Variants in RCN3 observed in about 807,000 individuals in gnomAD.
The protein encoded by RCN3 is reticulocalbin 3.
A neutral mutation model predicts 35.9 loss-of-function variants in RCN3; 41 were observed. The observed-to-expected ratio is 1.14, with a 90% confidence interval of 0.89 to 1.48. The LOEUF (loss-of-function observed/expected upper bound fraction) is 1.48. RCN3 is among the 40% of genes most tolerant of loss of function. The pLI, the probability that RCN3 is intolerant of heterozygous loss-of-function variation, is 0.00. For missense variants in RCN3, 451 were observed against 471.3 expected, an observed-to-expected ratio of 0.96 and a Z score of 0.40; for synonymous variants, 187 against 193.4, an observed-to-expected ratio of 0.97 and a Z score of 0.27.
rs1052581363 is a variant in RCN3 at position 49,543,475 on chromosome 19, G to A, written c.*262G>A. 18 of 498,596 alleles carry A rather than the reference G, an allele frequency of 3.6e-5. No homozygotes were observed. The highest frequency in any genetic ancestry group is 2.6e-4 in the Admixed American group (8 of 30,940). 30.9% of individuals were successfully genotyped at this position (498,596 alleles called of 1,614,324 possible). ...TCCCAGCCCAGACCCAGGGACCCTT[G>A]GCCCCAAGCTCAGCTCTAAGAACCG... On this transcript the variant is annotated 3_prime_UTR_variant, in exon 7 of 7. Transcript: ENST00000270645.
At chr19:49,536,950 G>T (rs2080138571) in intron 3 of RCN3, 83 bp from the exon 4 acceptor site, 4 of 1,302,504 alleles carry the variant, frequency 3.1e-6, no homozygotes, top group Non-Finnish European at 4.1e-6. Context: ...TTGTACCCCA[G>T]TAGGATTTAC....
intron 3 of RCN3, among the ~76,000 whole-genome samples, chr19:49,535,257 C>T (rs997149102): frequency 6.6e-6 from 1 of 152,156 alleles, no homozygotes; most frequent in Admixed American, 6.6e-5. Flanking sequence ...ATATTGTTCC[C>T]TCCAGTTACA....
chr19:49,529,210 C>G (rs1346412338), intron 2 of RCN3, among the ~76,000 whole-genome samples: 1 of 151,912 alleles, frequency 6.6e-6, no homozygotes, highest in Non-Finnish European at 1.5e-5. Context: ...AAAAAGAGGA[C>G]CTTTGAGGGC....
chr19:49,532,985 T>C (rs564474131), intron 2 of RCN3, among the ~76,000 whole-genome samples: 1 of 152,356 alleles, frequency 6.6e-6, no homozygotes, highest in Non-Finnish European at 1.5e-5. Flanking sequence ...CTGTCCTAAG[T>C]GCTTTACATG....
intron 2 of RCN3, among the ~76,000 whole-genome samples, chr19:49,530,582 C>T (rs987244850): frequency 6.7e-6 from 1 of 150,080 alleles, no homozygotes; most frequent in Non-Finnish European, 1.5e-5. Flanking sequence ...CCACAACCTC[C>T]GCCTCCTGGG....
At chr19:49,542,877 A>T in intron 6 of RCN3, 125 bp downstream of exon 6, 1 of 963,484 alleles carries the variant, frequency 1.0e-6, no homozygotes. Context: ...AAAGAGGGAC[A>T]GAGAGAGGGA....
intron 4 of RCN3, among the ~76,000 whole-genome samples, chr19:49,538,848 C>A (rs537011678): frequency 1.0e-3 from 159 of 152,224 alleles, no homozygotes; most frequent in Non-Finnish European, 1.7e-3. Flanking sequence ...CAGGACAGCT[C>A]CCCTTGTGAG....
At position 49,528,286 on chromosome 19, in the gene RCN3, T is replaced by C. The variant is rs1485890245; in HGVS notation, c.-6-181T>C. The C allele has an allele frequency of 5.5e-6, 3 of 544,516 alleles. No individual in the cohort carries two copies. In the East Asian group the frequency reaches 9.2e-5, roughly 17 times the overall value. 33.7% of individuals were successfully genotyped at this position (544,516 alleles called of 1,614,324 possible). On this transcript the variant is annotated intron_variant, in intron 1 of 6. Coordinates refer to ENST00000270645, the MANE Select transcript of RCN3 (RefSeq NM_020650.3). Reference sequence around the variant, plus strand: ...AGATTCGGTCCTCCCCATAGGTGGCTTTACCTCTAAGCATCCCGCCCTCTT... The same window carrying C: ...AGATTCGGTCCTCCCCATAGGTGGCCTTACCTCTAAGCATCCCGCCCTCTT...
intron 5 of RCN3, among the ~76,000 whole-genome samples, chr19:49,540,025 G>T (rs1417793830): frequency 6.6e-6 from 1 of 151,904 alleles, no homozygotes; most frequent in African/African-American, 2.4e-5. Flanking sequence ...GCCCGGCCAG[G>T]AATTTTTTTT....
In RCN3 at chr19:49,537,789, G is replaced by A. The variant is rs528129146; in HGVS notation, c.618+584G>A. Among the ~76,000 whole-genome samples the A allele has an allele frequency of 1.6e-3, 239 of 150,536 alleles. 1 individual carries two copies. The highest frequency in any genetic ancestry group is 5.4e-3 in the African/African-American group (218 of 40,490). ...GCTAGGATTATAGGCATGAGCCACC[G>A]TGCCCGGCCAATTTTTAATTTTTTT... is the stretch of plus-strand genomic sequence containing the variant. On this transcript the variant is annotated intron_variant, in intron 4 of 6. Coordinates refer to ENST00000270645, the MANE Select transcript of RCN3 (RefSeq NM_020650.3).
chr19:49,537,540 T>C (rs1370214268), intron 4 of RCN3, among the ~76,000 whole-genome samples: 3 of 151,502 alleles, frequency 2.0e-5, no homozygotes, highest in Admixed American at 2.0e-4. Flanking sequence ...ATAGTCTCCC[T>C]CGGTTGCCCA....
chr19:49,534,390 C>T lies in RCN3; in HGVS notation c.440C>T (p.Ala147Val), dbSNP rs1016808483. The change falls in exon 3 of 7, where the codon GCG becomes GTG. Residue 147 changes from alanine (A) to valine (V), a missense_variant. Coordinates refer to ENST00000270645, the MANE Select transcript of RCN3 (RefSeq NM_020650.3). The stretch of plus-strand genomic sequence containing the variant: ...CGCAACGCCACCTATGGCCACTACG[C>T]GCCCGGTACGCGGCGAGCCCCCGAC... ...ELRNATYGHY[A>V]PGEEFHDVED... 11 of 1,538,060 alleles carry T rather than the reference C, an allele frequency of 7.2e-6. No homozygotes were observed. In the South Asian group the frequency reaches 8.4e-5, roughly 12 times the overall value.
At chr19:49,530,008 G>A (rs1360419595) in intron 2 of RCN3, among the ~76,000 whole-genome samples, 2 of 152,114 alleles carry the variant, frequency 1.3e-5, no homozygotes, top group African/African-American at 4.8e-5. Flanking sequence ...CTGGAGTGCA[G>A]TGACGTGATC....
chr19:49,542,247 A>G (rs571067202), intron 5 of RCN3, among the ~76,000 whole-genome samples: 21 of 152,248 alleles, frequency 1.4e-4, no homozygotes, highest in African/African-American at 5.1e-4. Flanking sequence ...TCCTGCATAG[A>G]CATTGCTTAC....
At position 49,539,178 on chromosome 19, in the gene RCN3, C is replaced by T. The variant is rs151007768; in HGVS notation, c.678C>T (p.Ile226=). ...KDGYVQVEEY[I]ADLYSAEPGE... ...GCTATGTCCAGGTGGAGGAGTACAT[C>T]GGTGAGTGGGCCCCAATTTCTTCTT... The change falls in exon 5 of 7, where the codon ATC becomes ATT. Residue 226 remains isoleucine (I), a splice_region_variant and synonymous_variant. Transcript: ENST00000270645. The T allele has an allele frequency of 2.2e-5, 35 of 1,609,712 alleles. No homozygotes were observed. The highest frequency in any genetic ancestry group is 5.1e-5 in the Admixed American group (3 of 58,992).
chr19:49,536,074 C>T (rs1200908447), intron 3 of RCN3, among the ~76,000 whole-genome samples: 1 of 149,532 alleles, frequency 6.7e-6, no homozygotes, highest in Non-Finnish European at 1.5e-5. Flanking sequence ...GCAACCTCCG[C>T]CTCCCGGGTT....
intron 5 of RCN3, among the ~76,000 whole-genome samples, chr19:49,542,051 C>T (rs1317723498): frequency 4.7e-5 from 7 of 148,038 alleles, no homozygotes; most frequent in Non-Finnish European, 7.4e-5. Context: ...CACAGCGAGA[C>T]TCCATCTCAA....
Position 49,542,584 on chromosome 19 carries a change from G to A in RCN3, c.711G>A (p.Glu237=). The A allele has an allele frequency of 1.2e-6, 2 of 1,607,402 alleles. No homozygotes were observed. Among genetic ancestry groups the A allele is most frequent in the Non-Finnish European group, 1.7e-6 (2 of 1,177,482 alleles). ...TGTACTCAGCCGAGCCTGGGGAGGA[G>A]GAGCCGGCGTGGGTGCAGACGGAGA... ...ADLYSAEPGE[E]EPAWVQTERQ... The change falls in exon 6 of 7, where the codon GAG becomes GAA. Residue 237 remains glutamate, a synonymous_variant. Coordinates refer to ENST00000270645, the MANE Select transcript of RCN3 (RefSeq NM_020650.3).
intron 5 of RCN3, among the ~76,000 whole-genome samples, chr19:49,541,156 T>C (rs1229719464): frequency 5.9e-5 from 9 of 151,716 alleles, no homozygotes; most frequent in Non-Finnish European, 1.3e-4. Flanking sequence ...TCTTGAACTC[T>C]TGACCTCAGG....
Sources: allele counts gnomAD v4.1 joint callset (sites outside exome capture counted in the v4.1 genomes callset), GRCh38; gene constraint gnomAD v4.1.1; transcripts MANE v1.5; gene names NCBI Gene and HGNC (gene_info 2026-07-23, HGNC 2026-07-21).